The following DIP2B variants were observed in gnomAD, a reference collection of about 807,000 sequenced individuals.
DIP2B encodes the protein DIP2 acetate--CoA ligase B (putative).
DIP2B carries 76 observed loss-of-function variants against 198.0 expected under a neutral mutation model. The ratio of observed to expected loss-of-function variants is 0.38; its 90% CI spans 0.32 to 0.46. DIP2B has a LOEUF of 0.46. Among genes scored for constraint, DIP2B ranks in the 20% least tolerant of loss-of-function variants. The probability of loss-of-function intolerance (pLI) is 0.99; values close to 1 mark genes in which losing one functional copy is unlikely to be tolerated. For missense variants in DIP2B, 1,559 were observed against 1,978.4 expected (o/e 0.79, Z 4.02); for synonymous variants, 701 against 739.1 (o/e 0.95, Z 0.84).
Position 50,667,161 on chromosome 12 carries a change from C to T in DIP2B, c.428-4025C>T, listed in dbSNP as rs916288824. On this transcript the variant is annotated intron_variant, in intron 4 of 37. Transcript: ENST00000301180. Reference sequence around the variant, plus strand: ...TTGGGATTACAGGCGTGAGACAATGCGCCCGGCCAACATGCTAATTGTTTA... The same window carrying T: ...TTGGGATTACAGGCGTGAGACAATGTGCCCGGCCAACATGCTAATTGTTTA... Among the ~76,000 whole-genome samples, 11 of 152,246 alleles carry T rather than the reference C, an allele frequency of 7.2e-5. No homozygotes were observed. In the East Asian group the frequency reaches 1.4e-3, roughly 19 times the overall value.
intron 1 of DIP2B, among the ~76,000 whole-genome samples, chr12:50,618,379 A>G (rs1201348398): frequency 1.3e-5 from 2 of 152,312 alleles, no homozygotes; most frequent in East Asian, 1.9e-4. Context: ...ATCTCTGTTC[A>G]TCGGTGATTG....
chr12:50,673,300 T>C (rs1938886986), intron 5 of DIP2B, among the ~76,000 whole-genome samples: 2 of 152,324 alleles, frequency 1.3e-5, no homozygotes, highest in Middle Eastern at 3.4e-3. Flanking sequence ...TTTTTCCTTT[T>C]TTAAGTTTTA....
intron 4 of DIP2B, among the ~76,000 whole-genome samples, chr12:50,664,133 CTG>C (rs1464685692): frequency 2.0e-5 from 3 of 152,116 alleles, no homozygotes; most frequent in Admixed American, 2.0e-4. Context: ...CAATACGTAA[CTG>C]TTTGAATTAC....
At chr12:50,512,492 G>C (rs538116960) in intron 1 of DIP2B, among the ~76,000 whole-genome samples, 1 of 152,122 alleles carries the variant, frequency 6.6e-6, no homozygotes, top group East Asian at 1.9e-4. Flanking sequence ...TATTGTTTTA[G>C]GAATACGATA....
intron 1 of DIP2B, among the ~76,000 whole-genome samples, chr12:50,535,194 G>A (rs554189085): frequency 2.6e-5 from 4 of 152,034 alleles, no homozygotes; most frequent in East Asian, 1.9e-4. Context: ...ATTATGCCAC[G>A]GCACTCCAGC....
chr12:50,591,235 G>C lies in DIP2B; in HGVS notation c.101-34741G>C, dbSNP rs11169502. 1.3e-3 allele frequency among the ~76,000 whole-genome samples: 195 copies of C among 152,268 alleles called. 1 individual carries two copies. Among genetic ancestry groups the C allele is most frequent in the African/African-American group, 4.2e-3 (176 of 41,564 alleles). On this transcript the variant is annotated intron_variant, in intron 1 of 37. Transcript: ENST00000301180. ...TCAAAGAGCAGGAATTCAATAATCT[G>C]TTTTACTTCTCCATGGACTTTGAAG...
intron 1 of DIP2B, among the ~76,000 whole-genome samples, chr12:50,587,544 A>G (rs1958781528): frequency 6.6e-6 from 1 of 152,196 alleles, no homozygotes; most frequent in Non-Finnish European, 1.5e-5. Flanking sequence ...TAAATCATAG[A>G]GGTGTATAGA....
At chr12:50,562,300 G>A (rs1958526003) in intron 1 of DIP2B, among the ~76,000 whole-genome samples, 1 of 152,112 alleles carries the variant, frequency 6.6e-6, no homozygotes, top group Non-Finnish European at 1.5e-5. Context: ...ATGGTAATAA[G>A]AATAAGAGGG....
In DIP2B at chr12:50,728,478, C is replaced by T. The variant is rs562873294; in HGVS notation, c.3511-70C>T. ...TTTAGGGAATTGAAACTCCTCAAAG[C>T]TGTCGTCAGAGCTGTTACTCTGCCT... is the stretch of plus-strand genomic sequence containing the variant. On this transcript the variant is annotated intron_variant, in intron 29 of 37. Transcript: ENST00000301180. 16 of 1,533,626 alleles carry T rather than the reference C, an allele frequency of 1.0e-5. 1 individual carries two copies. In the East Asian group the frequency reaches 3.5e-4, roughly 33 times the overall value.
chr12:50,601,287 G>A (rs1469942417), intron 1 of DIP2B, among the ~76,000 whole-genome samples: 1 of 151,894 alleles, frequency 6.6e-6, no homozygotes, highest in African/African-American at 2.4e-5. Flanking sequence ...ATGATGACCA[G>A]GGAAAGTCTT....
At chr12:50,737,572 A>G (rs1197758163) in intron 35 of DIP2B, among the ~76,000 whole-genome samples, 6 of 151,872 alleles carry the variant, frequency 4.0e-5, no homozygotes, top group African/African-American at 9.7e-5. Context: ...AAAATTAACT[A>G]TATAAAATAG....
At chr12:50,622,519 A>G (rs981930692) in intron 1 of DIP2B, among the ~76,000 whole-genome samples, 1 of 152,258 alleles carries the variant, frequency 6.6e-6, no homozygotes, top group Admixed American at 6.5e-5. Flanking sequence ...CTTGCAAGCC[A>G]TAACTAACCA....
intron 1 of DIP2B, among the ~76,000 whole-genome samples, chr12:50,526,076 AT>A (rs1260021131): frequency 2.0e-5 from 3 of 152,062 alleles, no homozygotes; most frequent in Non-Finnish European, 2.9e-5. Flanking sequence ...GAGTGCAGAG[AT>A]TTTACTGTCT....
In DIP2B at chr12:50,718,838, T is replaced by TA. The variant is rs746330924; in HGVS notation, c.2961+21dup. On this transcript the variant is annotated intron_variant, in intron 24 of 37. Coordinates refer to ENST00000301180, the MANE Select transcript of DIP2B (RefSeq NM_173602.3). ...AGGAAGGTAAGTGTTCCTGAAGTGT[T>TA]ACCTTCTTACAGTCAAGTCAAGGAC... 1.9e-6 allele frequency: 3 copies of TA among 1,612,938 alleles called. No individual in the cohort carries two copies. The highest frequency in any genetic ancestry group is 2.5e-6 in the Non-Finnish European group (3 of 1,179,042).
intron 1 of DIP2B, among the ~76,000 whole-genome samples, chr12:50,534,732 T>C (rs1053866747): frequency 3.3e-5 from 5 of 152,140 alleles, no homozygotes; most frequent in Admixed American, 3.3e-4. Flanking sequence ...GACAGTGAGG[T>C]AACATGGAAA....
intron 34 of DIP2B, 95 bp from the exon 35 acceptor site, chr12:50,736,939 CCT>C: frequency 8.5e-7 from 1 of 1,174,212 alleles, no homozygotes; most frequent in South Asian, 1.3e-5. Flanking sequence ...GCCATGTGTG[CCT>C]CTCTCACCTC....
intron 12 of DIP2B, 192 bp downstream of exon 12, chr12:50,686,874 C>T: frequency 2.2e-6 from 1 of 464,794 alleles, no homozygotes; most frequent in South Asian, 4.8e-5. Flanking sequence ...CATAAGTATA[C>T]ATTCAAGAGA....
chr12:50,528,230 CTT>C (rs954160858), intron 1 of DIP2B, among the ~76,000 whole-genome samples: 8 of 140,346 alleles, frequency 5.7e-5, no homozygotes, highest in African/African-American at 7.8e-5. Context: ...CCTGACCCTT[CTT>C]TTTTTTTTTT....
Position 50,706,530 on chromosome 12 carries a change from C to T in DIP2B, c.2407-8C>T, listed in dbSNP as rs752831415. 4.7e-5 allele frequency: 76 copies of T among 1,612,690 alleles called. No homozygotes were observed. Among genetic ancestry groups the T allele is most frequent in the Non-Finnish European group, 6.2e-5 (73 of 1,179,194 alleles). ...TGGAAATCAAGGTAAATCATCATTA[C>T]CTTTCAGGGTAGTTTGGTGTTCGTG... On this transcript the variant is annotated splice_region_variant and splice_polypyrimidine_tract_variant and intron_variant, in intron 20 of 37. Coordinates refer to ENST00000301180, the MANE Select transcript of DIP2B (RefSeq NM_173602.3).
Sources: allele counts gnomAD v4.1 joint callset (sites outside exome capture counted in the v4.1 genomes callset), GRCh38; gene constraint gnomAD v4.1.1; transcripts MANE v1.5; gene names NCBI Gene and HGNC (gene_info 2026-07-23, HGNC 2026-07-21).